The following SCN2A variants were observed in gnomAD, a reference collection of about 807,000 sequenced individuals.
The protein encoded by SCN2A is sodium voltage-gated channel alpha subunit 2, also known as sodium channel protein type 2 subunit alpha.
Under a neutral mutation model 188.7 loss-of-function variants are expected in SCN2A, and 20 were observed. The observed-to-expected ratio is 0.11, with a 90% CI of 0.07 to 0.15. SCN2A has a LOEUF of 0.15. Ranked by LOEUF, SCN2A falls within the 10% of genes least tolerant of loss-of-function variation. SCN2A has a pLI of 1.00. For missense variants in SCN2A, 1,278 were observed against 2,445.0 expected (o/e 0.52, Z 10.07); for synonymous variants, 804 against 833.1 (o/e 0.97, Z 0.60).
chr2:165,309,756 C>A (rs756520683), intron 6 of SCN2A, among the ~76,000 whole-genome samples: 1 of 152,114 alleles, frequency 6.6e-6, no homozygotes, highest in Non-Finnish European at 1.5e-5. Flanking sequence ...CAGACTGATG[C>A]AAATTTGACA....
chr2:165,324,737 ACTGAGG>A (rs1187379429), intron 12 of SCN2A, among the ~76,000 whole-genome samples: 1 of 152,184 alleles, frequency 6.6e-6, no homozygotes, highest in African/African-American at 2.4e-5. Flanking sequence ...AGAGGAGGAA[ACTGAGG>A]CTTGTGCGTG....
intron 1 of SCN2A, among the ~76,000 whole-genome samples, chr2:165,244,463 G>T (rs1693757189): frequency 6.6e-6 from 1 of 151,884 alleles, no homozygotes; most frequent in Non-Finnish European, 1.5e-5. Context: ...AAACCTTTAT[G>T]TGGAAGAAGA....
At chr2:165,283,308 T>C (rs545955265) in intron 1 of SCN2A, among the ~76,000 whole-genome samples, 3 of 152,328 alleles carry the variant, frequency 2.0e-5, no homozygotes, top group Admixed American at 2.0e-4. Flanking sequence ...TTGTTGGGAA[T>C]ATGTGATAGG....
At chr2:165,292,137 C>T (rs1371466) in intron 1 of SCN2A, among the ~76,000 whole-genome samples, 85,119 of 151,962 alleles carry the variant, frequency 0.56, 24,318 homozygotes, top group Middle Eastern at 0.63. Context: ...CTTGAATCAT[C>T]ATATGCCTAA....
At chr2:165,344,463 A>T in intron 15 of SCN2A, 92 bp from the exon 16 acceptor site, 1 of 802,226 alleles carries the variant, frequency 1.2e-6, no homozygotes, top group Non-Finnish European at 1.7e-6. Context: ...AAAATAAAAT[A>T]AAAATAAAAA....
chr2:165,380,548 A>T (rs1701548283), intron 23 of SCN2A, 44 bp from the exon 24 acceptor site: 1 of 1,443,694 alleles, frequency 6.9e-7, no homozygotes, highest in African/African-American at 1.4e-5. Flanking sequence ...CTTTTTGTGA[A>T]ACAAGTACTA....
At chr2:165,266,734 A>G (rs1694882997) in intron 1 of SCN2A, 1 of 152,130 alleles carries the variant, frequency 6.6e-6, no homozygotes, top group Non-Finnish European at 1.5e-5. Flanking sequence ...CACATCCTCC[A>G]TACTACCAAA....
chr2:165,265,843 A>G (rs1694836923), intron 1 of SCN2A, among the ~76,000 whole-genome samples: 1 of 148,622 alleles, frequency 6.7e-6, no homozygotes, highest in Non-Finnish European at 1.5e-5. Flanking sequence ...CTCTTAATAT[A>G]TGGGGTCTAA....
intron 1 of SCN2A, among the ~76,000 whole-genome samples, chr2:165,250,735 C>T (rs1192886564): frequency 6.6e-6 from 1 of 151,956 alleles, no homozygotes; most frequent in African/African-American, 2.4e-5. Flanking sequence ...GACCTGGCTG[C>T]TATAGGAAAG....
chr2:165,306,259 A>G lies in SCN2A; in HGVS notation c.387-1589A>G, dbSNP rs114969835. Among the ~76,000 whole-genome samples, 1,096 of 152,154 alleles carry G rather than the reference A, an allele frequency of 7.2e-3. 14 individuals carry two copies. The highest frequency in any genetic ancestry group is 0.025 in the South Asian group (121 of 4,822). On this transcript the variant is annotated intron_variant, in intron 3 of 26. Coordinates refer to ENST00000375437, the MANE Select transcript of SCN2A (RefSeq NM_001040142.2). ...ATATTTGAAATTTTTCTTTGCAGAG[A>G]GTGGGAGATGGAGCCTAGTAGGAAA...
At chr2:165,328,523 T>C (rs1698488305) in intron 13 of SCN2A, 1 of 985,392 alleles carries the variant, frequency 1.0e-6, no homozygotes, top group East Asian at 1.1e-4. Flanking sequence ...AAGCAGGAAG[T>C]AGAGAAGGAG....
chr2:165,288,681 T>G (rs1050081042), intron 1 of SCN2A, among the ~76,000 whole-genome samples: 3 of 151,982 alleles, frequency 2.0e-5, no homozygotes, highest in Non-Finnish European at 2.9e-5. Context: ...AAATTGTTAG[T>G]TACAGAAATG....
intron 1 of SCN2A, among the ~76,000 whole-genome samples, chr2:165,250,984 CA>C (rs1404324926): frequency 1.3e-5 from 2 of 151,890 alleles, no homozygotes; most frequent in African/African-American, 4.8e-5. Context: ...ATCAACAGAA[CA>C]AAATATGATT....
chr2:165,355,555 A>G (rs1700135401), intron 17 of SCN2A, among the ~76,000 whole-genome samples: 1 of 152,214 alleles, frequency 6.6e-6, no homozygotes, highest in Admixed American at 6.5e-5. Context: ...ACTAACAAAA[A>G]TAACAAGGAA....
chr2:165,346,650 A>ATC (rs1345992185), intron 16 of SCN2A, among the ~76,000 whole-genome samples: 1 of 152,210 alleles, frequency 6.6e-6, no homozygotes, highest in Non-Finnish European at 1.5e-5. Flanking sequence ...AAAAGAAACT[A>ATC]TCATCAGAGT....
intron 6 of SCN2A, 126 bp downstream of exon 6, chr2:165,309,569 A>G (rs374539045): frequency 1.7e-6 from 2 of 1,146,936 alleles, no homozygotes; most frequent in Admixed American, 2.0e-5. Flanking sequence ...AAGAATTGGT[A>G]CATCATTTTT....
chr2:165,243,296 C>CT (rs1693699520), intron 1 of SCN2A, among the ~76,000 whole-genome samples: 1 of 152,040 alleles, frequency 6.6e-6, no homozygotes, highest in Non-Finnish European at 1.5e-5. Flanking sequence ...TTCACCAGGA[C>CT]TTGTGTAGAG....
intron 17 of SCN2A, among the ~76,000 whole-genome samples, chr2:165,356,716 A>C (rs1700198040): frequency 6.6e-6 from 1 of 152,178 alleles, no homozygotes; most frequent in African/African-American, 2.4e-5. Flanking sequence ...CAGTCTTCTT[A>C]ACTTTAAGAG....
chr2:165,314,582 G>A (rs778266718), intron 10 of SCN2A, among the ~76,000 whole-genome samples: 4 of 152,118 alleles, frequency 2.6e-5, no homozygotes, highest in Non-Finnish European at 4.4e-5. Context: ...TTCAATATTT[G>A]TTCTCTTTTA....
Sources: gnomAD v4.1 joint callset for allele counts (sites outside exome capture counted in the v4.1 genomes callset) on GRCh38, gnomAD v4.1.1 for gene constraint, MANE v1.5 for transcripts, NCBI Gene and HGNC (gene_info 2026-07-23, HGNC 2026-07-21) for gene names.